The following CERS5 variants were observed in gnomAD, a reference collection of about 807,000 sequenced individuals.
CERS5 encodes LAG1 homolog, ceramide synthase 5.
A neutral mutation model predicts 58.9 loss-of-function variants in CERS5; 37 were observed. The ratio of observed to expected loss-of-function variants is 0.63; its 90% CI spans 0.48 to 0.83. The LOEUF is 0.83. Among genes scored for constraint, CERS5 ranks in the 40% least tolerant of loss-of-function variants. The pLI is 0.00. For missense variants in CERS5, 398 were observed against 489.3 expected, an observed-to-expected ratio of 0.81 and a Z score of 1.76; for synonymous variants, 147 against 177.8, an observed-to-expected ratio of 0.83 and a Z score of 1.38.
chr12:50,155,805 A>T (rs1271570314), intron 1 of CERS5, among the ~76,000 whole-genome samples: 5 of 150,726 alleles, frequency 3.3e-5, no homozygotes, highest in African/African-American at 1.2e-4. Flanking sequence ...CTCTACAAAA[A>T]ATATAACAAT....
intron 1 of CERS5, 28 bp downstream of exon 1, chr12:50,167,073 C>T: frequency 1.3e-6 from 2 of 1,494,546 alleles, no homozygotes; most frequent in Non-Finnish European, 1.8e-6. Flanking sequence ...GCGCCCGGCC[C>T]CCGAGCCGCT....
At position 50,144,397 on chromosome 12, in the gene CERS5, A is replaced by G. The variant is rs1050948855; in HGVS notation, c.198-340T>C. 3 of 277,552 alleles carry G rather than the reference A, an allele frequency of 1.1e-5. No homozygotes were observed. In the South Asian group the frequency reaches 2.2e-4, roughly 20 times the overall value. 17.2% of individuals were successfully genotyped at this position (277,552 alleles called of 1,614,324 possible). A position where few individuals can be genotyped will look rare whatever the true frequency, so the allele number is the denominator to read the frequency against. The stretch of plus-strand genomic sequence containing the variant: ...TTAACAAGATCCCCAGGTGATTCAC[A>G]TGTCCATTAAAATGTGAGAACCACT... On this transcript the variant is annotated intron_variant, in intron 1 of 9. Transcript: ENST00000317551.
rs1319668636 is a variant in CERS5 at position 50,135,961 on chromosome 12, C to T, written c.745G>A (p.Val249Ile). The T allele has an allele frequency of 1.5e-5, 23 of 1,539,200 alleles. No individual in the cohort carries two copies. The highest frequency in any genetic ancestry group is 2.0e-5 in the Non-Finnish European group (23 of 1,147,976). Reference sequence around the variant, plus strand: ...TTTACCTCCAGCAAGAAGTCTGAGACATCATGTAGACACATGATCAGAGTT... The same window carrying T: ...TTTACCTCCAGCAAGAAGTCTGAGATATCATGTAGACACATGATCAGAGTT... ...VGTLIMCLHDVSDFLLEAAKL... is the reference protein window; with the variant it reads ...VGTLIMCLHDISDFLLEAAKL... The change falls in exon 7 of 10, where the codon GTC (valine) becomes ATC (isoleucine). Residue 249 changes from valine to isoleucine, a missense_variant. By Grantham distance (29) the Val-to-Ile change is conservative. Transcript: ENST00000317551.
At chr12:50,143,274 G>T in intron 2 of CERS5, 70 bp from the exon 3 acceptor site, 1 of 1,567,544 alleles carries the variant, frequency 6.4e-7, no homozygotes. Flanking sequence ...TTGACTAGCT[G>T]AGCGACAAGG....
chr12:50,148,892 G>A (rs368858487), intron 1 of CERS5, among the ~76,000 whole-genome samples: 6 of 106,184 alleles, frequency 5.7e-5, no homozygotes, highest in Admixed American at 3.5e-4. Flanking sequence ...GTGACGGAGC[G>A]AGACTCCATC....
At chr12:50,146,435 T>C (rs1174034484) in intron 1 of CERS5, among the ~76,000 whole-genome samples, 1 of 152,170 alleles carries the variant, frequency 6.6e-6, no homozygotes, top group South Asian at 2.1e-4. Context: ...AAAATTACTA[T>C]TATCTGGATC....
chr12:50,143,778 C>A (rs561329554), intron 2 of CERS5, 174 bp downstream of exon 2: 283 of 532,856 alleles, frequency 5.3e-4, no homozygotes, highest in South Asian at 3.9e-3. Flanking sequence ...ATACGTAGGG[C>A]CCAAAGGTTT....
intron 4 of CERS5, among the ~76,000 whole-genome samples, chr12:50,140,020 G>T (rs1465788814): frequency 6.6e-6 from 1 of 151,770 alleles, no homozygotes; most frequent in Non-Finnish European, 1.5e-5. Context: ...ACCACGCCTG[G>T]CCAATTTCTG....
chr12:50,167,353 A>C lies in CERS5; in HGVS notation c.-56T>G. ...CAAGCGTCAGCTGCCGCCACAGCCA[A>C]CGGAACCCGCGGGGAGGCGGCCCCA... On this transcript the variant is annotated 5_prime_UTR_variant, in exon 1 of 10. Transcript: ENST00000317551. 1 of 1,450,076 alleles carries C rather than the reference A, an allele frequency of 6.9e-7. No homozygotes were observed. The highest frequency in any genetic ancestry group is 9.0e-7 in the Non-Finnish European group (1 of 1,110,994). 89.8% of individuals were successfully genotyped at this position (1,450,076 alleles called of 1,614,324 possible). A position where few individuals can be genotyped will look rare whatever the true frequency, so the allele number is the denominator to read the frequency against.
At chr12:50,142,548 C>CAAAAAAAAAAAAAAAAAAA in intron 3 of CERS5, among the ~76,000 whole-genome samples, 1 of 86,790 alleles carries the variant, frequency 1.2e-5, no homozygotes, top group Non-Finnish European at 2.4e-5. Context: ...GACTCCGTCT[C>CAAAAAAAAAAAAAAAAAAA]AAAAAAAAAA....
intron 1 of CERS5, among the ~76,000 whole-genome samples, chr12:50,148,904 CAA>C (rs71083511): frequency 5.8e-4 from 42 of 72,076 alleles, no homozygotes; most frequent in Admixed American, 7.6e-4. Flanking sequence ...GACTCCATCT[CAA>C]AAAAAAAAAA....
chr12:50,136,237 G>C (rs201960606), intron 6 of CERS5, among the ~76,000 whole-genome samples, 168 bp from the exon 7 acceptor site: 1 of 152,004 alleles, frequency 6.6e-6, no homozygotes. Context: ...CTTTGGGAGG[G>C]CAAGGTGGTC....
chr12:50,155,466 G>A (rs1938462090), intron 1 of CERS5, among the ~76,000 whole-genome samples: 1 of 151,854 alleles, frequency 6.6e-6, no homozygotes, highest in Admixed American at 6.6e-5. Flanking sequence ...GCCAGGCACG[G>A]TGACTCAGGC....
At chr12:50,133,305 TCTGA>T (rs1276094086) in intron 9 of CERS5, 16 of 1,067,762 alleles carry the variant, frequency 1.5e-5, no homozygotes, top group Admixed American at 4.4e-5. Context: ...TTGACTACAG[TCTGA>T]CTGCTTCAAA....
At chr12:50,141,392 T>C (rs1339121779) in intron 4 of CERS5, among the ~76,000 whole-genome samples, 1 of 152,128 alleles carries the variant, frequency 6.6e-6, no homozygotes, top group Non-Finnish European at 1.5e-5. Context: ...AACTAAAAAG[T>C]AGGAATAATA....
At chr12:50,140,283 A>ATTTTT (rs1404662241) in intron 4 of CERS5, among the ~76,000 whole-genome samples, 3 of 97,248 alleles carry the variant, frequency 3.1e-5, no homozygotes, top group African/African-American at 1.5e-4. Context: ...TTAACTTCCA[A>ATTTTT]ATTTTTTTTT....
At chr12:50,148,232 G>A (rs1459181865) in intron 1 of CERS5, among the ~76,000 whole-genome samples, 2 of 152,118 alleles carry the variant, frequency 1.3e-5, no homozygotes, top group East Asian at 3.9e-4. Flanking sequence ...GAGCCTGGGA[G>A]GTCGAGGCTG....
chr12:50,160,729 T>C (rs1015680583), intron 1 of CERS5, among the ~76,000 whole-genome samples: 1 of 152,218 alleles, frequency 6.6e-6, no homozygotes, highest in African/African-American at 2.4e-5. Context: ...AATTTTATCT[T>C]TAAGATTCAG....
intron 9 of CERS5, 196 bp downstream of exon 9, chr12:50,134,350 G>T: frequency 1.4e-6 from 2 of 1,420,802 alleles, no homozygotes; most frequent in African/African-American, 1.4e-5. Flanking sequence ...CTCCAGCCTG[G>T]GTGACAGAGC....
Sources: gnomAD v4.1 joint callset for allele counts (sites outside exome capture counted in the v4.1 genomes callset) on GRCh38, gnomAD v4.1.1 for gene constraint, MANE v1.5 for transcripts, NCBI Gene and HGNC (gene_info 2026-07-23, HGNC 2026-07-21) for gene names.